NCAPG2: variants seen among roughly 807,000 people sequenced by gnomAD.
NCAPG2 encodes non-SMC condensin II complex subunit G2, also known as condensin-2 complex subunit G2.
A neutral mutation model predicts 141.1 loss-of-function variants in NCAPG2; 53 were observed. The ratio of observed to expected loss-of-function variants is 0.38; its 90% confidence interval spans 0.30 to 0.47. NCAPG2 has a LOEUF of 0.47. Ranked by LOEUF, NCAPG2 falls within the 20% of genes least tolerant of loss-of-function variation. The pLI, the probability that NCAPG2 is intolerant of heterozygous loss-of-function variation, is 0.99. For synonymous variants in NCAPG2, 499 were observed against 490.7 expected (o/e 1.02, Z -0.22); for missense variants, 1,087 against 1,389.0 (o/e 0.78, Z 3.46).
At chr7:158,645,957 C>T (rs1830984168) in intron 25 of NCAPG2, among the ~76,000 whole-genome samples, 1 of 152,186 alleles carries the variant, frequency 6.6e-6, no homozygotes, top group African/African-American at 2.4e-5. Context: ...TTGAATGTAT[C>T]TGCTATTAAA....
At chr7:158,668,901 C>T (rs1008681258) in intron 13 of NCAPG2, among the ~76,000 whole-genome samples, 1 of 152,162 alleles carries the variant, frequency 6.6e-6, no homozygotes, top group Non-Finnish European at 1.5e-5. Flanking sequence ...AGCCATTATT[C>T]CTGATGCTCT....
chr7:158,676,932 A>C (rs1398959102), intron 11 of NCAPG2, among the ~76,000 whole-genome samples: 1 of 152,144 alleles, frequency 6.6e-6, no homozygotes, highest in African/African-American at 2.4e-5. Flanking sequence ...AAAGAGCATA[A>C]AAGGTTGTAA....
chr7:158,655,122 A>G lies in NCAPG2; in HGVS notation c.2642T>C (p.Ile881Thr). Residue 881 changes from isoleucine (I) to threonine (T), a missense_variant, in exon 21 of 28, where the codon ATC (isoleucine) becomes ACC (threonine). Physicochemically the swap from Ile to Thr is moderately conservative, Grantham distance 89 (BLOSUM62 -1). Transcript: ENST00000356309. The stretch of plus-strand genomic sequence containing the variant: ...CTGTGTCTTAAGACTTCTAACCTGG[A>G]TAATTTGCTGATAAATGACCCTATG... ...KLHRVIYQQI[I>T]QTYLTVCKDV... 1 of 1,608,804 alleles carries G rather than the reference A, an allele frequency of 6.2e-7. No homozygotes were observed. The highest frequency in any genetic ancestry group is 8.5e-7 in the Non-Finnish European group (1 of 1,178,716).
intron 4 of NCAPG2, among the ~76,000 whole-genome samples, chr7:158,692,258 G>A (rs1204468808): frequency 6.6e-6 from 1 of 152,134 alleles, no homozygotes; most frequent in Non-Finnish European, 1.5e-5. Flanking sequence ...AGTGAGCTGG[G>A]TTCATGTCAC....
At position 158,648,846 on chromosome 7, in the gene NCAPG2, G is replaced by GCCAAAT. The variant is rs1563505001; in HGVS notation, c.3075+1985_3075+1986insATTTGG. Among the ~76,000 whole-genome samples the GCCAAAT allele has an allele frequency of 4.9e-4, 74 of 151,882 alleles. 7 individuals carry two copies. The highest frequency in any genetic ancestry group is 2.1e-3 in the South Asian group (10 of 4,784). Reference sequence around the variant, plus strand: ...ACCACGCCAAATGGACTACAACCACGGCAAATGGACTACAACCACGGCAAA... The same window carrying GCCAAAT: ...ACCACGCCAAATGGACTACAACCACGCCAAATGCAAATGGACTACAACCACGGCAAA... On this transcript the variant is annotated intron_variant, in intron 24 of 27. Coordinates refer to ENST00000356309, the MANE Select transcript of NCAPG2 (RefSeq NM_017760.7).
chr7:158,681,141 C>T (rs994755886), intron 9 of NCAPG2, among the ~76,000 whole-genome samples: 3 of 152,190 alleles, frequency 2.0e-5, no homozygotes, highest in South Asian at 4.1e-4. Flanking sequence ...AACCTCTGAC[C>T]TTCAGGATAA....
At chr7:158,701,346 C>G (rs1395660641) in intron 2 of NCAPG2, among the ~76,000 whole-genome samples, 3 of 152,200 alleles carry the variant, frequency 2.0e-5, no homozygotes, top group Admixed American at 2.0e-4. Flanking sequence ...TATTTTTCTC[C>G]TTACCTCTAT....
Position 158,664,292 on chromosome 7 carries a change from C to T in NCAPG2, c.1707G>A (p.Lys569=), listed in dbSNP as rs1832751446. Residue 569 remains lysine (K), a synonymous_variant, in exon 15 of 28, where the codon AAG becomes AAA. Coordinates refer to ENST00000356309, the MANE Select transcript of NCAPG2 (RefSeq NM_017760.7). ...AGCAATGACGAATAACGTGAATCAGCTTTGCTGAAATGTTTAGGATAAACA... is the reference window on the plus strand; with the variant it reads ...AGCAATGACGAATAACGTGAATCAGTTTTGCTGAAATGTTTAGGATAAACA... ...HEHTACTNIA[K]LIHVIRHCLN... 2 of 1,611,112 alleles carry T rather than the reference C, an allele frequency of 1.2e-6. No individual in the cohort carries two copies. The highest frequency in any genetic ancestry group is 1.7e-6 in the Non-Finnish European group (2 of 1,177,286).
In NCAPG2 at chr7:158,646,533, C is replaced by G; in HGVS notation, c.3106G>C (p.Glu1036Gln). 1 of 1,583,812 alleles carries G rather than the reference C, an allele frequency of 6.3e-7. No homozygotes were observed. The stretch of plus-strand genomic sequence containing the variant: ...AATGGTGGAAGATCAGAAAGATGCT[C>G]TGGAGGGGTAAGCTCTTCTACGTCA... ...VSDVEELTPP[E>Q]HLSDLPPFSR... The change falls in exon 25 of 28, where the codon GAG becomes CAG. Residue 1036 changes from glutamate to glutamine, a missense_variant. Glu to Gln is a conservative substitution (Grantham distance 29). Transcript: ENST00000356309.
At position 158,689,103 on chromosome 7, in the gene NCAPG2, G is replaced by A. The variant is rs149190288; in HGVS notation, c.672+716C>T. On this transcript the variant is annotated intron_variant, in intron 6 of 27. Coordinates refer to ENST00000356309, the MANE Select transcript of NCAPG2 (RefSeq NM_017760.7). ...GGCCCCTAACACAGAAGAACTATGC[G>A]AGCCTCTCTGTAATTCTCAATTCTT... 2.0e-3 allele frequency among the ~76,000 whole-genome samples: 305 copies of A among 152,190 alleles called. 1 individual carries two copies. The highest frequency in any genetic ancestry group is 6.7e-3 in the African/African-American group (278 of 41,514).
intron 13 of NCAPG2, 62 bp downstream of exon 13, chr7:158,671,452 T>A (rs1225761356): frequency 6.3e-7 from 1 of 1,583,900 alleles, no homozygotes; most frequent in Admixed American, 1.7e-5. Flanking sequence ...CTACTTTCTT[T>A]CTGTTTGATG....
intron 27 of NCAPG2, among the ~76,000 whole-genome samples, 156 bp downstream of exon 27, chr7:158,644,133 A>G (rs1830833299): frequency 6.6e-6 from 1 of 152,240 alleles, no homozygotes; most frequent in African/African-American, 2.4e-5. Flanking sequence ...AACGTAAGCT[A>G]AAGGTCTTTG....
At chr7:158,657,896 A>G (rs1158662075) in intron 17 of NCAPG2, among the ~76,000 whole-genome samples, 4 of 152,084 alleles carry the variant, frequency 2.6e-5, no homozygotes, top group African/African-American at 9.6e-5. Context: ...GTCCACTCAG[A>G]GTTAAATGGA....
intron 11 of NCAPG2, among the ~76,000 whole-genome samples, chr7:158,676,387 G>C (rs1834051781): frequency 6.6e-6 from 1 of 152,194 alleles, no homozygotes; most frequent in Non-Finnish European, 1.5e-5. Context: ...CGTGGTCCAG[G>C]AGACTTAAGC....
At chr7:158,665,916 T>C (rs777534789) in intron 13 of NCAPG2, among the ~76,000 whole-genome samples, 1 of 152,224 alleles carries the variant, frequency 6.6e-6, no homozygotes, top group Non-Finnish European at 1.5e-5. Flanking sequence ...CTCAGGCACT[T>C]CTTGGTATTT....
chr7:158,704,499 G>A (rs896648009), intron 1 of NCAPG2, among the ~76,000 whole-genome samples: 21 of 152,218 alleles, frequency 1.4e-4, no homozygotes, highest in African/African-American at 4.8e-4. Flanking sequence ...CTCCGACACG[G>A]ACAAGAAGGA....
intron 24 of NCAPG2, among the ~76,000 whole-genome samples, chr7:158,649,446 TG>T (rs143001085): frequency 1.1e-3 from 161 of 152,300 alleles, no homozygotes; most frequent in African/African-American, 3.8e-3. Context: ...ACACGGCAAA[TG>T]GGCACAGCTA....
intron 13 of NCAPG2, among the ~76,000 whole-genome samples, chr7:158,667,522 T>G (rs75218085): frequency 0.15 from 2,548 of 16,642 alleles, 42 homozygotes; most frequent in Non-Finnish European, 0.19. Context: ...CCCTCCGCCC[T>G]CCTTACCTAC....
intron 2 of NCAPG2, among the ~76,000 whole-genome samples, chr7:158,698,545 G>A (rs141823203): frequency 1.3e-3 from 196 of 152,296 alleles, no homozygotes; most frequent in Non-Finnish European, 2.2e-3. Context: ...TTGTAGCCTA[G>A]GACGGTAGAC....
Sources: gnomAD v4.1 joint callset for allele counts (sites outside exome capture counted in the v4.1 genomes callset) on GRCh38, gnomAD v4.1.1 for gene constraint, MANE v1.5 for transcripts, NCBI Gene and HGNC (gene_info 2026-07-23, HGNC 2026-07-21) for gene names.